Variants in KIAA1210 observed in about 807,000 individuals in gnomAD.
KIAA1210 encodes acrosomal protein KIAA1210.
Under a neutral mutation model 78.9 loss-of-function variants are expected in KIAA1210, and 48 were observed. That is an observed-to-expected ratio of 0.61 (90% CI 0.48 to 0.77). The LOEUF (loss-of-function observed/expected upper bound fraction) is 0.77. Among genes scored for constraint, KIAA1210 ranks in the 30% least tolerant of loss-of-function variants. The pLI is 0.00. For synonymous variants in KIAA1210, 406 were observed against 404.5 expected (o/e 1.00, Z -0.04); for missense variants, 1,108 against 1,100.0 (o/e 1.01, Z -0.10).
chrX:119,122,490 C>T (rs1376154154), intron 2 of KIAA1210, among the ~76,000 whole-genome samples: 1 of 112,206 alleles, frequency 8.9e-6, no homozygotes, highest in African/African-American at 3.2e-5. Flanking sequence ...TTTGGTCTTA[C>T]AAAAAACAAA....
At chrX:119,131,858 T>C (rs1928801562), upstream of KIAA1210, among the ~76,000 whole-genome samples, 1 of 112,433 alleles carries the variant, frequency 8.9e-6, no homozygotes, top group Non-Finnish European at 1.9e-5. Flanking sequence ...AAGGATCACT[T>C]GAGCTCAGGA....
intron 1 of KIAA1210, among the ~76,000 whole-genome samples, chrX:119,125,745 T>A (rs867673621): frequency 4.5e-4 from 4 of 8,973 alleles, no homozygotes; most frequent in East Asian, 6.1e-3. Context: ...ATTTTTTTTT[T>A]TTTTTTTTTG....
At chrX:119,132,987 C>A (rs1420389172) in intron 2 of KIAA1210, among the ~76,000 whole-genome samples, 1 of 110,956 alleles carries the variant, frequency 9.0e-6, no homozygotes, top group Non-Finnish European at 1.9e-5. Flanking sequence ...TGTGCATCCA[C>A]CAAGCAGTGG....
At chrX:119,136,885 C>A (rs758910217) in intron 2 of KIAA1210, among the ~76,000 whole-genome samples, 2 of 110,813 alleles carry the variant, frequency 1.8e-5, no homozygotes, top group Non-Finnish European at 3.8e-5. Flanking sequence ...GTTCTCTAGC[C>A]CCAAATCTTT....
intron 6 of KIAA1210, among the ~76,000 whole-genome samples, chrX:119,102,522 G>A (rs1927764365): frequency 9.1e-6 from 1 of 109,371 alleles, no homozygotes; most frequent in African/African-American, 3.3e-5. Flanking sequence ...GGGACTACAG[G>A]CATATGCAGC....
Position 119,088,938 on chromosome X carries a change from G to T in KIAA1210, c.1764C>A (p.Pro588=). ...TCCTTGAGGACTGAAAAAGGCTTCT[G>T]GGAGGCAGAGTCTTGGCATAAACAT... ...KGDVYAKTLP[P]RSLFQSSRKP... is the part of the protein sequence containing the mutation. Residue 588 remains proline (P), a synonymous_variant, in exon 9 of 12, where the codon CCC becomes CCA. Coordinates refer to ENST00000691062, the MANE Select transcript of KIAA1210 (RefSeq NM_001394962.1). The T allele has an allele frequency of 2.5e-6, 3 of 1,211,206 alleles. No homozygotes were observed. Among genetic ancestry groups the T allele is most frequent in the African/African-American group, 1.7e-5 (1 of 57,755 alleles).
chrX:119,138,537 A>C (rs1278135339), intron 2 of KIAA1210, among the ~76,000 whole-genome samples: 1 of 111,629 alleles, frequency 9.0e-6, no homozygotes, highest in Non-Finnish European at 1.9e-5. Context: ...GGAACTTAAG[A>C]TACGCCAGGT....
rs369259456 is a variant in KIAA1210 at position 119,139,645 on chromosome X, A to T, written c.410+7828T>A. Among the ~76,000 whole-genome samples the T allele has an allele frequency of 1.6e-3, 182 of 111,680 alleles. 1 individual carries two copies. Among genetic ancestry groups the T allele is most frequent in the African/African-American group, 5.5e-3 (169 of 30,737 alleles). ...TTCATCAGTTTCCCTAAAGTAGGGG[A>T]TGAGATGTTCTGCAGTTACCCACAA... On this transcript the variant is annotated intron_variant, in intron 2 of 13. Coordinates refer to the KIAA1210 transcript ENST00000402510.
At chrX:119,093,887 A>C (rs1198345885) in intron 7 of KIAA1210, 112 bp from the exon 8 acceptor site, 33 of 870,033 alleles carry the variant, frequency 3.8e-5, no homozygotes, top group Non-Finnish European at 5.5e-5. Flanking sequence ...TGGGCACGTA[A>C]CAGTACCTTT....
intron 3 of KIAA1210, among the ~76,000 whole-genome samples, chrX:119,115,177 C>T (rs1184087361): frequency 9.0e-6 from 1 of 111,301 alleles, no homozygotes; most frequent in African/African-American, 3.3e-5. Context: ...CAGGGGTGAT[C>T]TTCAGGCCCC....
rs1926890671 is a variant in KIAA1210 at position 119,079,923 on chromosome X, G to C, written c.*1406C>G. 2 of 111,952 alleles carry C rather than the reference G, an allele frequency of 1.8e-5. No individual in the cohort carries two copies. The highest frequency in any genetic ancestry group is 6.5e-5 in the African/African-American group (2 of 30,709). 9.2% of individuals were successfully genotyped at this position (111,952 alleles called of 1,213,427 possible). On this transcript the variant is annotated 3_prime_UTR_variant, in exon 12 of 12. Coordinates refer to ENST00000691062, the MANE Select transcript of KIAA1210 (RefSeq NM_001394962.1). ...CACTCTTGCTTTGGGCTAAAACCTT[G>C]TGAAGCAAAGACAGCTGAGGGGAAA... is the stretch of plus-strand genomic sequence containing the variant.
At chrX:119,083,211 G>T (rs1927022195) in intron 10 of KIAA1210, 91 bp from the exon 11 acceptor site, 1 of 581,400 alleles carries the variant, frequency 1.7e-6, no homozygotes, top group South Asian at 3.6e-5. Context: ...TGCAAGCCCT[G>T]TCCTGGGTAC....
Position 119,100,328 on chromosome X carries a change from T to TAAAA in KIAA1210, c.649-3641_649-3638dup, listed in dbSNP as rs35969490. On this transcript the variant is annotated intron_variant, in intron 6 of 11. Transcript: ENST00000691062. ...CTGGGCAACAGAGCAAGACTGTCTT[T>TAAAA]AAAAAAAAAAAAAAAAAAAAAAAAA... is the stretch of plus-strand genomic sequence containing the variant. Among the ~76,000 whole-genome samples, 104 of 46,520 alleles carry TAAAA rather than the reference T, an allele frequency of 2.2e-3. 1 individual carries two copies. The highest frequency in any genetic ancestry group is 0.011 in the African/African-American group (100 of 9,381). The allele number at this position is 46,520 out of a possible 115,157, so 40.4% of individuals were successfully genotyped here.
intron 5 of KIAA1210, among the ~76,000 whole-genome samples, chrX:119,106,696 C>G: frequency 8.9e-6 from 1 of 112,447 alleles, no homozygotes; most frequent in Middle Eastern, 4.6e-3. Context: ...GCCATTGTAT[C>G]TTTTTAACTA....
intron 2 of KIAA1210, among the ~76,000 whole-genome samples, chrX:119,142,297 C>T (rs1354646394): frequency 8.9e-6 from 1 of 112,267 alleles, no homozygotes. Context: ...TGAACTAACT[C>T]ACTGTGTTTG....
At chrX:119,114,103 TA>T (rs749176308) in intron 3 of KIAA1210, among the ~76,000 whole-genome samples, 32 of 111,512 alleles carry the variant, frequency 2.9e-4, no homozygotes, top group African/African-American at 8.8e-4. Flanking sequence ...TGTTAGCACT[TA>T]AAAAAAATCT....
At chrX:119,102,054 A>G (rs1927751225) in intron 6 of KIAA1210, among the ~76,000 whole-genome samples, 2 of 112,893 alleles carry the variant, frequency 1.8e-5, no homozygotes, top group African/African-American at 3.2e-5. Context: ...ATTGCTGGGC[A>G]TTGGTTATAA....
intron 8 of KIAA1210, among the ~76,000 whole-genome samples, chrX:119,092,969 T>C (rs895837168): frequency 9.0e-6 from 1 of 111,057 alleles, no homozygotes; most frequent in Non-Finnish European, 1.9e-5. Context: ...AACATAACTA[T>C]TCAACTTAAT....
Position 119,087,660 on chromosome X carries a change from C to G in KIAA1210, c.3042G>C (p.Arg1014Ser). 2 of 1,211,203 alleles carry G rather than the reference C, an allele frequency of 1.7e-6. No individual in the cohort carries two copies. The highest frequency in any genetic ancestry group is 2.2e-6 in the Non-Finnish European group (2 of 895,352). ...EGTSNKSPIP[R>S]RPTQSFVKFM... ...ATTTCACGAATGACTGGGTCGGACG[C>G]CTGGGAATCGGTGATTTGTTAGAAG... Residue 1014 changes from arginine to serine, a missense_variant, in exon 9 of 12, where the codon AGG (arginine) becomes AGC (serine). Arg to Ser is a moderately radical substitution (Grantham distance 110). Coordinates refer to ENST00000691062, the MANE Select transcript of KIAA1210 (RefSeq NM_001394962.1).
Sources: gnomAD v4.1 joint callset for allele counts (sites outside exome capture counted in the v4.1 genomes callset) on GRCh38, gnomAD v4.1.1 for gene constraint, MANE v1.5 for transcripts, NCBI Gene and HGNC (gene_info 2026-07-23, HGNC 2026-07-21) for gene names.